The following PACS1 variants were observed in gnomAD, a reference collection of about 807,000 sequenced individuals.
PACS1 encodes PACS-1.
PACS1 carries 24 observed loss-of-function variants against 115.0 expected under a neutral mutation model. The observed-to-expected ratio is 0.21, with a 90% CI of 0.15 to 0.29. The LOEUF (loss-of-function observed/expected upper bound fraction) is 0.29. Ranked by LOEUF, PACS1 falls within the 10% of genes least tolerant of loss-of-function variation. PACS1 has a pLI of 1.00. For synonymous variants in PACS1, 453 were observed against 504.5 expected, an observed-to-expected ratio of 0.90 and a Z score of 1.37; for missense variants, 838 against 1,251.2, an observed-to-expected ratio of 0.67 and a Z score of 4.98.
intron 1 of PACS1, among the ~76,000 whole-genome samples, chr11:66,166,200 T>A (rs1859597581): frequency 6.6e-6 from 1 of 152,130 alleles, no homozygotes; most frequent in African/African-American, 2.4e-5. Flanking sequence ...CAGGCTGCAG[T>A]GCAATGGCAT....
chr11:66,151,145 G>GC (rs929876273), intron 1 of PACS1, among the ~76,000 whole-genome samples: 1 of 151,946 alleles, frequency 6.6e-6, no homozygotes, highest in African/African-American at 2.4e-5. Flanking sequence ...ATCCCAGGGA[G>GC]CCCAGCAAGA....
intron 4 of PACS1, among the ~76,000 whole-genome samples, chr11:66,213,860 C>T (rs1855135874): frequency 6.6e-6 from 1 of 151,914 alleles, no homozygotes; most frequent in African/African-American, 2.4e-5. Context: ...GGTGAAACCC[C>T]ATCTCTACTA....
intron 1 of PACS1, among the ~76,000 whole-genome samples, chr11:66,142,199 C>CCCA (rs1222025364): frequency 2.6e-5 from 4 of 152,174 alleles, no homozygotes; most frequent in Admixed American, 2.0e-4. Flanking sequence ...GGATTATGGA[C>CCCA]ATTGTTCTGT....
intron 22 of PACS1, among the ~76,000 whole-genome samples, chr11:66,241,921 A>G (rs570151730): frequency 1.3e-5 from 2 of 152,248 alleles, no homozygotes; most frequent in East Asian, 3.9e-4. Context: ...GCCACTGTGT[A>G]ATGAAGGGGG....
chr11:66,219,372 G>T (rs867073207), intron 7 of PACS1, among the ~76,000 whole-genome samples: 9 of 151,894 alleles, frequency 5.9e-5, no homozygotes, highest in Non-Finnish European at 8.8e-5. Context: ...GCGTTCCACC[G>T]TGGAGGTGGT....
chr11:66,127,297 G>A (rs1858601795), intron 1 of PACS1, among the ~76,000 whole-genome samples: 1 of 152,180 alleles, frequency 6.6e-6, no homozygotes, highest in Non-Finnish European at 1.5e-5. Context: ...TGAATTTTGA[G>A]TTCTTAGTGC....
chr11:66,229,484 G>A (rs1417139795), intron 11 of PACS1, among the ~76,000 whole-genome samples: 1 of 151,954 alleles, frequency 6.6e-6, no homozygotes, highest in African/African-American at 2.4e-5. Flanking sequence ...CGGATCACGA[G>A]GTCAGGAGAT....
intron 1 of PACS1, among the ~76,000 whole-genome samples, chr11:66,099,204 G>A (rs1015575444): frequency 4.0e-5 from 6 of 150,834 alleles, no homozygotes; most frequent in South Asian, 2.1e-4. Context: ...ACACCACACC[G>A]GGCTAATAGT....
chr11:66,232,946 C>T lies in PACS1; in HGVS notation c.1732-14C>T, dbSNP rs772623452. On this transcript the variant is annotated splice_polypyrimidine_tract_variant and intron_variant, in intron 14 of 23. Transcript: ENST00000320580. Reference sequence around the variant, plus strand: ...TCTCACCTGTGTCCCTGCTCTCCTCCCTCCCTATCCCAGTATGTGGCTGAG... The same window carrying T: ...TCTCACCTGTGTCCCTGCTCTCCTCTCTCCCTATCCCAGTATGTGGCTGAG... 2.5e-6 allele frequency: 4 copies of T among 1,596,028 alleles called. No individual in the cohort carries two copies. Among genetic ancestry groups the T allele is most frequent in the Non-Finnish European group, 3.4e-6 (4 of 1,164,734 alleles).
chr11:66,110,666 C>T (rs1858167757), intron 1 of PACS1, among the ~76,000 whole-genome samples: 1 of 152,256 alleles, frequency 6.6e-6, no homozygotes, highest in Non-Finnish European at 1.5e-5. Flanking sequence ...GCCTCTGCCT[C>T]CTGGGTTCAA....
intron 1 of PACS1, among the ~76,000 whole-genome samples, chr11:66,145,409 C>A (rs1311954166): frequency 1.3e-5 from 2 of 152,126 alleles, no homozygotes; most frequent in Non-Finnish European, 2.9e-5. Context: ...AAAGTAATGA[C>A]CCTCAGTAGC....
intron 1 of PACS1, among the ~76,000 whole-genome samples, chr11:66,137,627 C>T (rs1432703132): frequency 6.6e-6 from 1 of 152,150 alleles, no homozygotes; most frequent in African/African-American, 2.4e-5. Context: ...TTTTGTGCCA[C>T]CTGCAGGTTA....
intron 1 of PACS1, chr11:66,100,985 T>C (rs1857904803): frequency 4.5e-6 from 2 of 443,188 alleles, no homozygotes; most frequent in African/African-American, 2.0e-5. Context: ...TCATTTCTAC[T>C]GCATTCTGCT....
At chr11:66,184,875 C>T (rs933811876) in intron 1 of PACS1, among the ~76,000 whole-genome samples, 3 of 152,110 alleles carry the variant, frequency 2.0e-5, no homozygotes, top group Non-Finnish European at 4.4e-5. Flanking sequence ...TGATGGAGGT[C>T]TTTCTGGGAA....
intron 2 of PACS1, among the ~76,000 whole-genome samples, chr11:66,194,024 C>T (rs1049057388): frequency 1.3e-5 from 2 of 152,138 alleles, no homozygotes; most frequent in African/African-American, 2.4e-5. Context: ...AGTGCAGTGG[C>T]GCGATCTCGG....
chr11:66,130,257 C>T (rs894296528), intron 1 of PACS1, among the ~76,000 whole-genome samples: 6 of 151,882 alleles, frequency 4.0e-5, no homozygotes, highest in Non-Finnish European at 7.4e-5. Context: ...ACATGTTGGC[C>T]TCCTCCCTCC....
At chr11:66,190,160 C>A (rs992085771) in intron 1 of PACS1, among the ~76,000 whole-genome samples, 3 of 152,236 alleles carry the variant, frequency 2.0e-5, no homozygotes, top group African/African-American at 7.2e-5. Flanking sequence ...TTTGGACATA[C>A]TGAAGACTAC....
At chr11:66,204,028 C>T (rs571911488) in intron 2 of PACS1, among the ~76,000 whole-genome samples, 64 of 152,142 alleles carry the variant, frequency 4.2e-4, no homozygotes, top group Non-Finnish European at 7.8e-4. Flanking sequence ...CACTGGCAAC[C>T]AAAGCAAAAA....
intron 1 of PACS1, among the ~76,000 whole-genome samples, chr11:66,143,513 C>T (rs890992227): frequency 6.6e-6 from 1 of 152,156 alleles, no homozygotes; most frequent in Non-Finnish European, 1.5e-5. Context: ...ACTTCCCATT[C>T]GCATCTGCCT....
Sources: allele counts gnomAD v4.1 joint callset (sites outside exome capture counted in the v4.1 genomes callset), GRCh38; gene constraint gnomAD v4.1.1; transcripts MANE v1.5; gene names NCBI Gene and HGNC (gene_info 2026-07-23, HGNC 2026-07-21).